The following HPS3 variants were observed in gnomAD, a reference collection of about 807,000 sequenced individuals.
HPS3 encodes BLOC-2 complex member HPS3.
A neutral mutation model predicts 110.9 loss-of-function variants in HPS3; 79 were observed. The ratio of observed to expected loss-of-function variants is 0.71; its 90% CI spans 0.59 to 0.86. The LOEUF is 0.86. Among genes scored for constraint, HPS3 ranks in the 40% least tolerant of loss-of-function variants. HPS3 has a pLI of 0.00. For synonymous variants in HPS3, 428 were observed against 451.0 expected, an observed-to-expected ratio of 0.95 and a Z score of 0.65; for missense variants, 1,197 against 1,206.2, an observed-to-expected ratio of 0.99 and a Z score of 0.11.
intron 4 of HPS3, 151 bp downstream of exon 4, chr3:149,141,531 GTTTTTTTTTTTTTT>G (rs10718838): frequency 2.9e-5 from 11 of 382,630 alleles, no homozygotes; most frequent in South Asian, 5.5e-5. Context: ...TTTTTTTTTT[GTTTTTTTTTTTTTT>G]TTTTTTTGAG....
chr3:149,136,720 A>G (rs1015667980), intron 1 of HPS3, among the ~76,000 whole-genome samples: 6 of 152,240 alleles, frequency 3.9e-5, no homozygotes, highest in African/African-American at 1.4e-4. Context: ...AGGCAGGCAC[A>G]TTTAGCAAGT....
intron 6 of HPS3, among the ~76,000 whole-genome samples, chr3:149,151,690 C>A (rs921866943): frequency 1.3e-4 from 19 of 140,926 alleles, no homozygotes; most frequent in African/African-American, 5.0e-4. Context: ...AATTTCTGTT[C>A]TCAGAAATAC....
chr3:149,131,914 T>G (rs1466408556), intron 1 of HPS3, among the ~76,000 whole-genome samples: 1 of 152,208 alleles, frequency 6.6e-6, no homozygotes, highest in Non-Finnish European at 1.5e-5. Flanking sequence ...AACTTTGCTC[T>G]AGGTAGAAGA....
chr3:149,161,042 C>G (rs1723769038), intron 11 of HPS3, among the ~76,000 whole-genome samples: 1 of 152,210 alleles, frequency 6.6e-6, no homozygotes, highest in African/African-American at 2.4e-5. Flanking sequence ...GCACTGTTTT[C>G]TTGCCAGACT....
At chr3:149,166,111 G>A (rs936422196) in intron 14 of HPS3, 4 of 421,302 alleles carry the variant, frequency 9.5e-6, no homozygotes, top group Non-Finnish European at 1.9e-5. Flanking sequence ...TCTTTATCCT[G>A]GAGAAAGGGA....
At chr3:149,147,558 C>G (rs1255137903) in intron 5 of HPS3, among the ~76,000 whole-genome samples, 1 of 152,150 alleles carries the variant, frequency 6.6e-6, no homozygotes, top group Non-Finnish European at 1.5e-5. Flanking sequence ...GACTATCCAT[C>G]TTTTTCCCAT....
At chr3:149,143,316 C>T (rs1045421578) in intron 4 of HPS3, among the ~76,000 whole-genome samples, 1 of 152,166 alleles carries the variant, frequency 6.6e-6, no homozygotes. Flanking sequence ...TCTTCTTGTG[C>T]GTAGGGTACT....
At chr3:149,138,985 T>A (rs1379473957) in intron 1 of HPS3, among the ~76,000 whole-genome samples, 4 of 152,236 alleles carry the variant, frequency 2.6e-5, no homozygotes, top group Non-Finnish European at 5.9e-5. Context: ...AAAATGCCCA[T>A]GCCCTTTGGC....
intron 4 of HPS3, among the ~76,000 whole-genome samples, chr3:149,142,702 C>G (rs1173328299): frequency 1.3e-5 from 2 of 152,006 alleles, no homozygotes; most frequent in Admixed American, 6.6e-5. Flanking sequence ...CTATGTTGAG[C>G]ATTGTGCTGA....
intron 6 of HPS3, among the ~76,000 whole-genome samples, chr3:149,151,415 G>T (rs1723102890): frequency 6.6e-6 from 1 of 151,554 alleles, no homozygotes; most frequent in South Asian, 2.1e-4. Context: ...ATATACTTAA[G>T]AGCACAAAAT....
chr3:149,159,069 G>A (rs1466471084), intron 10 of HPS3, among the ~76,000 whole-genome samples: 1 of 152,142 alleles, frequency 6.6e-6, no homozygotes, highest in Admixed American at 6.6e-5. Flanking sequence ...TACAGACAGG[G>A]ACATGTGGTC....
intron 1 of HPS3, among the ~76,000 whole-genome samples, chr3:149,131,759 G>A (rs1270503485): frequency 6.6e-6 from 1 of 152,224 alleles, no homozygotes; most frequent in East Asian, 1.9e-4. Context: ...GAAGGCAGGC[G>A]TGTCAGAAGC....
intron 16 of HPS3, among the ~76,000 whole-genome samples, chr3:149,168,781 G>A (rs1442612867): frequency 5.0e-4 from 76 of 152,252 alleles, no homozygotes; most frequent in South Asian, 4.2e-4. Flanking sequence ...TCAGAAGATG[G>A]AAGTGTCAGA....
chr3:149,163,744 A>C (rs767307426), intron 13 of HPS3, 98 bp from the exon 14 acceptor site: 23 of 721,396 alleles, frequency 3.2e-5, no homozygotes, highest in Non-Finnish European at 4.7e-5. Context: ...TAATTCTATG[A>C]CATGGCAGAG....
intron 1 of HPS3, among the ~76,000 whole-genome samples, chr3:149,139,317 CAG>C (rs948432801): frequency 4.1e-4 from 62 of 152,138 alleles, no homozygotes; most frequent in African/African-American, 1.4e-3. Flanking sequence ...TTAAAAAAGA[CAG>C]AATACCTCTC....
rs1280378060 is a variant in HPS3, at chr3:149,160,140, C to T, written c.1967C>T (p.Pro656Leu). ...AGTCCTTCTATGAAGAATATTAATC[C>T]TTTAACTGCCATGAGCTATCTAAGG... ...LCSPSMKNIN[P>L]LTAMSYLRKL... The change falls in exon 11 of 17, where the codon CCT becomes CTT. Residue 656 changes from proline to leucine, a missense_variant. Coordinates refer to ENST00000296051, the MANE Select transcript of HPS3 (RefSeq NM_032383.5). 2 of 1,613,818 alleles carry T rather than the reference C, an allele frequency of 1.2e-6. No individual in the cohort carries two copies. Among genetic ancestry groups the T allele is most frequent in the South Asian group, 1.1e-5 (1 of 91,076 alleles).
At chr3:149,147,254 A>G (rs962110441) in intron 5 of HPS3, among the ~76,000 whole-genome samples, 12 of 152,216 alleles carry the variant, frequency 7.9e-5, no homozygotes, top group African/African-American at 2.9e-4. Flanking sequence ...TCAAGACATA[A>G]TGCTAAGTAG....
chr3:149,141,391 C>T lies in HPS3; in HGVS notation c.970+11C>T, dbSNP rs1722443022. The T allele has an allele frequency of 1.1e-5, 17 of 1,603,970 alleles. No homozygotes were observed. The highest frequency in any genetic ancestry group is 1.3e-5 in the Non-Finnish European group (15 of 1,170,786). On this transcript the variant is annotated intron_variant, in intron 4 of 16. Transcript: ENST00000296051. ...CCATTTACCAGACCGGTAAGCATGA[C>T]AGTGCAGGAGTGCGACAGTGCAGCA...
intron 1 of HPS3, 113 bp from the exon 2 acceptor site, chr3:149,139,891 C>A (rs987707824): frequency 4.0e-6 from 4 of 993,968 alleles, no homozygotes; most frequent in Non-Finnish European, 6.1e-6. Context: ...TTATTCTATT[C>A]AGTCTTTAAT....
Sources: allele counts gnomAD v4.1 joint callset (sites outside exome capture counted in the v4.1 genomes callset), GRCh38; gene constraint gnomAD v4.1.1; transcripts MANE v1.5; gene names NCBI Gene and HGNC (gene_info 2026-07-23, HGNC 2026-07-21).